APLF: variants seen among roughly 807,000 people sequenced by gnomAD.
The protein encoded by APLF is aprataxin and PNK-like factor.
Under a neutral mutation model 55.6 loss-of-function variants are expected in APLF, and 61 were observed. The ratio of observed to expected loss-of-function variants is 1.10; its 90% CI spans 0.89 to 1.36. The LOEUF is 1.36. APLF is among the 40% of genes most tolerant of loss of function. The probability of loss-of-function intolerance (pLI) is 0.00; values close to 1 mark genes in which losing one functional copy is unlikely to be tolerated. For synonymous variants in APLF, 207 were observed against 214.8 expected (o/e 0.96, Z 0.32); for missense variants, 611 against 602.5 (o/e 1.01, Z -0.15).
At chr2:68,473,261 G>T (rs1023204862) in intron 1 of APLF, among the ~76,000 whole-genome samples, 2 of 152,170 alleles carry the variant, frequency 1.3e-5, no homozygotes, top group Admixed American at 6.5e-5. Flanking sequence ...ATGTCATAGA[G>T]TTGGAGTCAT....
In APLF at chr2:68,578,618, T is replaced by C; in HGVS notation, c.*596T>C. 2.0e-6 allele frequency: 2 copies of C among 985,344 alleles called. No individual in the cohort carries two copies. Among genetic ancestry groups the C allele is most frequent in the Non-Finnish European group, 2.4e-6 (2 of 829,882 alleles). The allele number at this position is 985,344 out of a possible 1,614,324, so 61.0% of individuals were successfully genotyped here. ...ATTCAACTAGGCTGTAGAAGAGAAATGTTCACCATGTAGGGAATGTTATTT... is the reference window on the plus strand; with the variant it reads ...ATTCAACTAGGCTGTAGAAGAGAAACGTTCACCATGTAGGGAATGTTATTT... On this transcript the variant is annotated 3_prime_UTR_variant, in exon 10 of 10. Coordinates refer to ENST00000303795, the MANE Select transcript of APLF (RefSeq NM_173545.3).
intron 9 of APLF, among the ~76,000 whole-genome samples, chr2:68,568,005 T>C (rs1392948452): frequency 4.6e-5 from 7 of 152,126 alleles, no homozygotes; most frequent in Admixed American, 1.3e-4. Context: ...GATTAGTTTG[T>C]ACCGCTCCTG....
intron 1 of APLF, among the ~76,000 whole-genome samples, chr2:68,480,317 T>C (rs1675914656): frequency 6.6e-6 from 1 of 151,508 alleles, no homozygotes; most frequent in Non-Finnish European, 1.5e-5. Flanking sequence ...TTTTTTTTTG[T>C]TTTTTGAGAC....
chr2:68,488,216 T>C (rs1676243620), intron 1 of APLF, among the ~76,000 whole-genome samples: 1 of 152,126 alleles, frequency 6.6e-6, no homozygotes, highest in Non-Finnish European at 1.5e-5. Context: ...AATGAGATTT[T>C]GGTACCCAAG....
chr2:68,492,385 G>A (rs1011764996), intron 2 of APLF, among the ~76,000 whole-genome samples: 1 of 152,194 alleles, frequency 6.6e-6, no homozygotes, highest in Non-Finnish European at 1.5e-5. Flanking sequence ...GGCTGAGGCA[G>A]GAGAATGGCG....
At chr2:68,562,402 T>G (rs1029801896) in intron 8 of APLF, among the ~76,000 whole-genome samples, 1 of 152,076 alleles carries the variant, frequency 6.6e-6, no homozygotes, top group East Asian at 1.9e-4. Flanking sequence ...GAGATACTTT[T>G]GTAGGTGCTA....
chr2:68,561,822 A>G (rs1671173559), intron 8 of APLF, among the ~76,000 whole-genome samples: 1 of 152,100 alleles, frequency 6.6e-6, no homozygotes, highest in African/African-American at 2.4e-5. Flanking sequence ...TAGATTTCTG[A>G]AAATCATTGG....
At chr2:68,558,411 TTTC>T (rs1671073571) in intron 8 of APLF, among the ~76,000 whole-genome samples, 1 of 152,186 alleles carries the variant, frequency 6.6e-6, no homozygotes, top group East Asian at 1.9e-4. Flanking sequence ...CATTTTCCTT[TTTC>T]TTCTAAATTT....
At chr2:68,570,516 TC>T (rs1250816827) in intron 9 of APLF, among the ~76,000 whole-genome samples, 10 of 151,864 alleles carry the variant, frequency 6.6e-5, no homozygotes, top group Non-Finnish European at 5.9e-5. Context: ...ATTGTTCAGT[TC>T]CCACCTATAA....
At position 68,541,774 on chromosome 2, in the gene APLF, G is replaced by T. The variant is rs528556932; in HGVS notation, c.1161-3413G>T. On this transcript the variant is annotated intron_variant, in intron 7 of 9. Coordinates refer to ENST00000303795, the MANE Select transcript of APLF (RefSeq NM_173545.3). The stretch of plus-strand genomic sequence containing the variant: ...TGCAATCTCTATCAAAATCCTAATG[G>T]TTTTTTTTGGCAGAAATAGAAAAAA... Among the ~76,000 whole-genome samples the T allele has an allele frequency of 1.4e-4, 22 of 151,892 alleles. 1 individual carries two copies. In the East Asian group the frequency reaches 2.3e-3, roughly 16 times the overall value.
At chr2:68,506,327 G>A (rs1174902064) in intron 3 of APLF, among the ~76,000 whole-genome samples, 1 of 147,950 alleles carries the variant, frequency 6.8e-6, no homozygotes, top group Non-Finnish European at 1.5e-5. Flanking sequence ...TCTACCCGGG[G>A]GAGGCAGCTG....
At chr2:68,468,342 C>CTTAT (rs952651809) in intron 1 of APLF, among the ~76,000 whole-genome samples, 17 of 151,992 alleles carry the variant, frequency 1.1e-4, no homozygotes, top group African/African-American at 3.9e-4. Flanking sequence ...CTGTGTGGAC[C>CTTAT]TTATTTATTT....
At chr2:68,500,808 G>T (rs1676697076) in intron 2 of APLF, among the ~76,000 whole-genome samples, 1 of 152,142 alleles carries the variant, frequency 6.6e-6, no homozygotes, top group South Asian at 2.1e-4. Flanking sequence ...GGAATACAGG[G>T]CACGATTCCC....
chr2:68,468,623 A>C (rs1446997072), intron 1 of APLF, among the ~76,000 whole-genome samples: 2 of 152,254 alleles, frequency 1.3e-5, no homozygotes, highest in African/African-American at 4.8e-5. Context: ...TTTAGGAATA[A>C]GAACATTTGC....
At chr2:68,562,600 C>T (rs981486598) in intron 8 of APLF, among the ~76,000 whole-genome samples, 58 of 151,760 alleles carry the variant, frequency 3.8e-4, no homozygotes, top group African/African-American at 1.4e-3. Context: ...GAGCTATTTC[C>T]CAGTGATTAT....
intron 8 of APLF, among the ~76,000 whole-genome samples, chr2:68,560,140 A>T (rs573917746): frequency 1.8e-4 from 27 of 151,708 alleles, no homozygotes; most frequent in South Asian, 1.0e-3. Flanking sequence ...ATGTTCAATC[A>T]CTCTCTATAT....
chr2:68,549,703 G>T, intron 8 of APLF, among the ~76,000 whole-genome samples: 1 of 152,078 alleles, frequency 6.6e-6, no homozygotes, highest in East Asian at 1.9e-4. Flanking sequence ...TTTGCTAGTT[G>T]ATTTTTTTCC....
At chr2:68,524,259 A>G (rs1010061259) in intron 5 of APLF, among the ~76,000 whole-genome samples, 2 of 152,226 alleles carry the variant, frequency 1.3e-5, no homozygotes, top group Admixed American at 6.5e-5. Context: ...CATGATGAAT[A>G]TTTAAATAAT....
chr2:68,476,755 C>A (rs1675789025), intron 1 of APLF, among the ~76,000 whole-genome samples: 1 of 152,026 alleles, frequency 6.6e-6, no homozygotes, highest in African/African-American at 2.4e-5. Flanking sequence ...TACTGTCACA[C>A]TTAAAACCCA....
Sources: allele counts gnomAD v4.1 joint callset (sites outside exome capture counted in the v4.1 genomes callset), GRCh38; gene constraint gnomAD v4.1.1; transcripts MANE v1.5; gene names NCBI Gene and HGNC (gene_info 2026-07-23, HGNC 2026-07-21).